Variants in SLC7A7 observed in about 807,000 individuals in gnomAD.
SLC7A7 encodes solute carrier family 7 member 7.
Under a neutral mutation model 47.9 loss-of-function variants are expected in SLC7A7, and 39 were observed. That is an observed-to-expected ratio of 0.81 (90% confidence interval 0.63 to 1.06). SLC7A7 has a LOEUF of 1.06. SLC7A7 is among the 50% of genes least tolerant of loss of function. The pLI is 0.00. For synonymous variants in SLC7A7, 234 were observed against 242.8 expected (o/e 0.96, Z 0.34); for missense variants, 588 against 632.0 (o/e 0.93, Z 0.75).
chr14:22,819,726 C>G (rs17122772), upstream of SLC7A7: 24,442 of 152,512 alleles, frequency 0.16, 2,387 homozygotes, highest in South Asian at 0.25. Flanking sequence ...GAGAACCAAG[C>G]GTATCGCTCA....
intron 2 of SLC7A7, among the ~76,000 whole-genome samples, chr14:22,806,248 T>G (rs1172354413): frequency 1.6e-5 from 2 of 121,780 alleles, no homozygotes; most frequent in Admixed American, 1.1e-4. Context: ...CAGGCTAGAG[T>G]GCAATGGTGC....
chr14:22,791,611 G>C (rs1291227193), intron 2 of SLC7A7, among the ~76,000 whole-genome samples: 1 of 152,030 alleles, frequency 6.6e-6, no homozygotes, highest in Non-Finnish European at 1.5e-5. Context: ...CTATTCCTGG[G>C]GGAAGGCCAA....
At position 22,793,803 on chromosome 14, in the gene SLC7A7, A is replaced by G. The variant is rs796483376; in HGVS notation, c.500-13752T>C. ...TGCACTCCAGCCTGGGTGACAGAGC[A>G]AGACTCCATCTCGAAAAAAAAAAAG... On this transcript the variant is annotated intron_variant, in intron 2 of 9. Transcript: ENST00000674313. Among the ~76,000 whole-genome samples the G allele has an allele frequency of 2.0e-5, 3 of 152,096 alleles. 1 individual carries two copies. The highest frequency in any genetic ancestry group is 7.2e-5 in the African/African-American group (3 of 41,456).
chr14:22,788,021 C>A lies in SLC7A7; in HGVS notation c.500-7970G>T, dbSNP rs541771773. Among the ~76,000 whole-genome samples, 9 of 151,606 alleles carry A rather than the reference C, an allele frequency of 5.9e-5. 1 individual carries two copies. Among genetic ancestry groups the A allele is most frequent in the Non-Finnish European group, 8.8e-5 (6 of 67,910 alleles). ...CCGGGAGGCGGCGGTTGCAGTGAGC[C>A]GAGATCGCGCCACCGCACTCCAGCC... On this transcript the variant is annotated intron_variant, in intron 2 of 9. Transcript: ENST00000674313.
upstream of SLC7A7, among the ~76,000 whole-genome samples, chr14:22,818,341 G>A (rs2039433213): frequency 6.6e-6 from 1 of 152,080 alleles, no homozygotes; most frequent in South Asian, 2.1e-4. Flanking sequence ...ACTTCAGTCT[G>A]CCCGTGCGCA....
At chr14:22,783,810 C>T (rs2038764197) in intron 2 of SLC7A7, among the ~76,000 whole-genome samples, 1 of 152,158 alleles carries the variant, frequency 6.6e-6, no homozygotes, top group Non-Finnish European at 1.5e-5. Context: ...CACCTTCTAG[C>T]CCTGATCTGC....
At chr14:22,776,944 G>A (rs1344792910) in intron 4 of SLC7A7, among the ~76,000 whole-genome samples, 1 of 151,248 alleles carries the variant, frequency 6.6e-6, no homozygotes, top group African/African-American at 2.4e-5. Context: ...ACTCCAGCAT[G>A]GGCGACAGAG....
chr14:22,812,355 TG>T (rs2039323965), intron 2 of SLC7A7, among the ~76,000 whole-genome samples: 1 of 151,704 alleles, frequency 6.6e-6, no homozygotes, highest in Non-Finnish European at 1.5e-5. Context: ...TTAGTAGAGA[TG>T]GGGTTTCACC....
chr14:22,802,660 C>T (rs148139566), intron 2 of SLC7A7, among the ~76,000 whole-genome samples: 2 of 152,178 alleles, frequency 1.3e-5, no homozygotes, highest in East Asian at 1.9e-4. Context: ...CTGCCATCAC[C>T]GTAGTTCAGG....
At chr14:22,805,623 T>C (rs995603545) in intron 2 of SLC7A7, among the ~76,000 whole-genome samples, 1 of 151,402 alleles carries the variant, frequency 6.6e-6, no homozygotes, top group African/African-American at 2.4e-5. Context: ...TCGGTAGAGG[T>C]TGGTAGAGGG....
chr14:22,818,627 G>C (rs1169683623), upstream of SLC7A7, among the ~76,000 whole-genome samples: 3 of 148,278 alleles, frequency 2.0e-5, no homozygotes, highest in Admixed American at 1.4e-4. Context: ...ACCCGAGATG[G>C]AGTTTTGCTT....
At chr14:22,785,053 C>A (rs1391754664) in intron 2 of SLC7A7, among the ~76,000 whole-genome samples, 1 of 152,086 alleles carries the variant, frequency 6.6e-6, no homozygotes, top group Non-Finnish European at 1.5e-5. Context: ...CTGAGGCGGG[C>A]AGATCACTTG....
At chr14:22,784,971 C>G (rs756718084) in intron 2 of SLC7A7, among the ~76,000 whole-genome samples, 9 of 152,300 alleles carry the variant, frequency 5.9e-5, no homozygotes, top group Non-Finnish European at 1.2e-4. Flanking sequence ...TGCCCGGCGT[C>G]ATTCCATTTT....
upstream of SLC7A7, among the ~76,000 whole-genome samples, chr14:22,817,464 C>T (rs1020441598): frequency 5.3e-5 from 8 of 152,134 alleles, no homozygotes; most frequent in African/African-American, 1.7e-4. Context: ...CTCAGCCTCC[C>T]GAGTAGCTGG....
At chr14:22,781,096 G>A (rs1258335320) in intron 2 of SLC7A7, among the ~76,000 whole-genome samples, 1 of 152,108 alleles carries the variant, frequency 6.6e-6, no homozygotes, top group Non-Finnish European at 1.5e-5. Context: ...CTCAGCAACT[G>A]GAACACTATA....
intron 2 of SLC7A7, among the ~76,000 whole-genome samples, chr14:22,783,629 G>A (rs1254174513): frequency 6.6e-6 from 1 of 151,730 alleles, no homozygotes; most frequent in Non-Finnish European, 1.5e-5. Context: ...TCAAACTCCT[G>A]ACCTCAGGTG....
chr14:22,775,092 GACAC>G (rs60658611), intron 7 of SLC7A7, among the ~76,000 whole-genome samples: 3 of 151,516 alleles, frequency 2.0e-5, no homozygotes, highest in Non-Finnish European at 4.4e-5. Flanking sequence ...TGGATTTTAA[GACAC>G]ACACACACAC....
chr14:22,795,385 G>GCTTGCTTGCTTTTT (rs1491190196), intron 2 of SLC7A7, among the ~76,000 whole-genome samples: 19 of 14,496 alleles, frequency 1.3e-3, no homozygotes, highest in Admixed American at 2.7e-3. Flanking sequence ...TTGCTTGCTT[G>GCTTGCTTGCTTTTT]CTTTCTTTCT....
At chr14:22,800,267 A>G (rs1427527186) in intron 2 of SLC7A7, among the ~76,000 whole-genome samples, 1 of 152,230 alleles carries the variant, frequency 6.6e-6, no homozygotes, top group Non-Finnish European at 1.5e-5. Context: ...AAGACAGCCC[A>G]CCAAACTCCT....
Sources: allele counts gnomAD v4.1 joint callset (sites outside exome capture counted in the v4.1 genomes callset), GRCh38; gene constraint gnomAD v4.1.1; transcripts MANE v1.5; gene names NCBI Gene and HGNC (gene_info 2026-07-23, HGNC 2026-07-21).